CACNA2D3: variants seen among roughly 807,000 people sequenced by gnomAD.
The protein encoded by CACNA2D3 is calcium voltage-gated channel auxiliary subunit alpha2delta 3.
Under a neutral mutation model 160.6 loss-of-function variants are expected in CACNA2D3, and 60 were observed. The ratio of observed to expected loss-of-function variants is 0.37; its 90% CI spans 0.30 to 0.46. The LOEUF (loss-of-function observed/expected upper bound fraction) is 0.46. Among genes scored for constraint, CACNA2D3 ranks in the 20% least tolerant of loss-of-function variants. The pLI, the probability that CACNA2D3 is intolerant of heterozygous loss-of-function variation, is 1.00. For missense variants in CACNA2D3, 1,205 were observed against 1,365.0 expected, an observed-to-expected ratio of 0.88 and a Z score of 1.85; for synonymous variants, 558 against 492.9, an observed-to-expected ratio of 1.13 and a Z score of -1.75.
At chr3:54,776,902 G>A (rs938765807) in intron 13 of CACNA2D3, among the ~76,000 whole-genome samples, 3 of 152,118 alleles carry the variant, frequency 2.0e-5, no homozygotes, top group Admixed American at 6.5e-5. Context: ...AGATATTTTG[G>A]CCAACACAAC....
chr3:54,690,565 G>A (rs1186344308), intron 11 of CACNA2D3, among the ~76,000 whole-genome samples: 1 of 151,840 alleles, frequency 6.6e-6, no homozygotes, highest in African/African-American at 2.4e-5. Flanking sequence ...ATTTTCCATG[G>A]AGTATGTTAT....
At chr3:54,182,404 A>G (rs893729300) in intron 2 of CACNA2D3, among the ~76,000 whole-genome samples, 1 of 152,176 alleles carries the variant, frequency 6.6e-6, no homozygotes, top group Non-Finnish European at 1.5e-5. Context: ...GCTTTCTGTA[A>G]TGTGATACTG....
At chr3:54,811,228 T>C (rs1703302589) in intron 13 of CACNA2D3, among the ~76,000 whole-genome samples, 1 of 152,168 alleles carries the variant, frequency 6.6e-6, no homozygotes, top group African/African-American at 2.4e-5. Flanking sequence ...GCTCTTAGTG[T>C]TTTTCCTCAA....
intron 2 of CACNA2D3, among the ~76,000 whole-genome samples, chr3:54,260,677 C>T (rs1355950351): frequency 6.6e-6 from 1 of 152,180 alleles, no homozygotes; most frequent in South Asian, 2.1e-4. Context: ...TCCTACTATT[C>T]TCCGTAGTGC....
intron 17 of CACNA2D3, among the ~76,000 whole-genome samples, chr3:54,864,622 AG>A (rs1699361350): frequency 6.6e-6 from 1 of 152,200 alleles, no homozygotes; most frequent in African/African-American, 2.4e-5. Context: ...GCTCAGTTTC[AG>A]GGCAGGCCAA....
chr3:54,349,091 G>A (rs1299379856), intron 3 of CACNA2D3, among the ~76,000 whole-genome samples: 1 of 152,152 alleles, frequency 6.6e-6, no homozygotes, highest in East Asian at 1.9e-4. Flanking sequence ...TGTGTCCCAG[G>A]GAGGGAGAGA....
At chr3:55,065,771 A>G (rs1704622202) in intron 35 of CACNA2D3, among the ~76,000 whole-genome samples, 2 of 152,058 alleles carry the variant, frequency 1.3e-5, no homozygotes, top group Admixed American at 1.3e-4. Context: ...GAAAGAAAAA[A>G]AAATTGTTTC....
chr3:54,526,731 C>T (rs1195825428), intron 5 of CACNA2D3, among the ~76,000 whole-genome samples: 5 of 152,136 alleles, frequency 3.3e-5, no homozygotes, highest in African/African-American at 1.2e-4. Context: ...TGCTCTGTTG[C>T]CCTGGCTGGA....
At chr3:54,159,661 T>G (rs1418290128) in intron 2 of CACNA2D3, among the ~76,000 whole-genome samples, 1 of 152,160 alleles carries the variant, frequency 6.6e-6, no homozygotes, top group Non-Finnish European at 1.5e-5. Flanking sequence ...TAAATGTTGA[T>G]TCTATGTCTA....
intron 17 of CACNA2D3, among the ~76,000 whole-genome samples, chr3:54,865,210 AAG>A (rs944357910): frequency 1.3e-5 from 2 of 152,256 alleles, no homozygotes; most frequent in South Asian, 2.1e-4. Context: ...CCCTTTGGGA[AAG>A]AGAGCAGAAT....
At chr3:54,204,541 A>T (rs1701236334) in intron 2 of CACNA2D3, among the ~76,000 whole-genome samples, 1 of 152,170 alleles carries the variant, frequency 6.6e-6, no homozygotes, top group African/African-American at 2.4e-5. Context: ...TCACGCCTGT[A>T]ATCCCAGCAC....
intron 2 of CACNA2D3, chr3:54,178,038 T>C (rs1193647906): frequency 6.6e-6 from 1 of 152,138 alleles, no homozygotes; most frequent in Non-Finnish European, 1.5e-5. Context: ...TGATCCTCAC[T>C]CCAGTTTCCA....
intron 31 of CACNA2D3, among the ~76,000 whole-genome samples, chr3:54,990,462 C>T (rs1043165381): frequency 3.3e-5 from 5 of 152,042 alleles, no homozygotes; most frequent in Non-Finnish European, 7.3e-5. Context: ...ACCTGGGAGG[C>T]GGAGATTGCG....
At chr3:54,689,347 T>C (rs1700529410) in intron 11 of CACNA2D3, among the ~76,000 whole-genome samples, 1 of 152,136 alleles carries the variant, frequency 6.6e-6, no homozygotes, top group African/African-American at 2.4e-5. Flanking sequence ...TATCCACATT[T>C]ATTCCCAGGG....
In CACNA2D3 at chr3:54,678,720, C is replaced by CAAAAAAAAAAAAAAAA. The variant is rs71096434; in HGVS notation, c.1167+36493_1167+36508dup. ...TGGGTGACAGAGTGAGACTCGGTCTCAAAAAAAAAAAAAAAAAAAAAAAAA... is the reference window on the plus strand; with the variant it reads ...TGGGTGACAGAGTGAGACTCGGTCTCAAAAAAAAAAAAAAAAAAAAAAAAAAAAAAAAAAAAAAAAA... On this transcript the variant is annotated intron_variant, in intron 11 of 37. Coordinates refer to ENST00000474759, the MANE Select transcript of CACNA2D3 (RefSeq NM_018398.3). 3.5e-4 allele frequency among the ~76,000 whole-genome samples: 16 copies of CAAAAAAAAAAAAAAAA among 45,918 alleles called. 1 individual carries two copies. Among genetic ancestry groups the CAAAAAAAAAAAAAAAA allele is most frequent in the East Asian group, 8.6e-4 (1 of 1,162 alleles). 30.1% of individuals were successfully genotyped at this position (45,918 alleles called of 152,430 possible). A position where few individuals can be genotyped will look rare whatever the true frequency, so the allele number is the denominator to read the frequency against.
At chr3:54,422,195 C>T (rs189996340) in intron 4 of CACNA2D3, among the ~76,000 whole-genome samples, 103 of 152,294 alleles carry the variant, frequency 6.8e-4, no homozygotes, top group Non-Finnish European at 1.2e-3. Flanking sequence ...TGGTTCTGGT[C>T]CCTGGGCTTC....
At chr3:54,814,707 G>T (rs971934494) in intron 13 of CACNA2D3, among the ~76,000 whole-genome samples, 1 of 152,168 alleles carries the variant, frequency 6.6e-6, no homozygotes, top group South Asian at 2.1e-4. Flanking sequence ...TTAAACTGAG[G>T]ACATCACCAC....
chr3:54,416,620 G>T (rs1418373139), intron 4 of CACNA2D3, among the ~76,000 whole-genome samples: 1 of 152,110 alleles, frequency 6.6e-6, no homozygotes, highest in Non-Finnish European at 1.5e-5. Context: ...AATCATAGGA[G>T]ATTCAATTAT....
chr3:54,140,699 C>T (rs1379505976), intron 2 of CACNA2D3, among the ~76,000 whole-genome samples: 1 of 152,130 alleles, frequency 6.6e-6, no homozygotes, highest in Non-Finnish European at 1.5e-5. Context: ...CTCTGGGTTG[C>T]ACACCCACCC....
Sources: gnomAD v4.1 joint callset for allele counts (sites outside exome capture counted in the v4.1 genomes callset) on GRCh38, gnomAD v4.1.1 for gene constraint, MANE v1.5 for transcripts, NCBI Gene and HGNC (gene_info 2026-07-23, HGNC 2026-07-21) for gene names.